PIGL: variants seen among roughly 807,000 people sequenced by gnomAD.
The protein encoded by PIGL is N-acetylglucosaminyl-phosphatidylinositol de-N-acetylase.
In PIGL, 22 loss-of-function variants were observed where a neutral mutation model predicts 31.1. That is an observed-to-expected ratio of 0.71 (90% confidence interval 0.51 to 1.01). The LOEUF (loss-of-function observed/expected upper bound fraction) is 1.01, where lower values mean the gene tolerates loss of function less well. PIGL is among the 50% of genes least tolerant of loss of function. The pLI is 0.00. For synonymous variants in PIGL, 131 were observed against 117.4 expected, an observed-to-expected ratio of 1.12 and a Z score of -0.75; for missense variants, 302 against 315.9, an observed-to-expected ratio of 0.96 and a Z score of 0.33.
intron 5 of PIGL, 117 bp from the exon 6 acceptor site, chr17:16,317,658 T>C: frequency 6.5e-7 from 1 of 1,529,914 alleles, no homozygotes; most frequent in South Asian, 1.3e-5. Context: ...CACGTGGCAA[T>C]GCTGTGGCCA....
intron 3 of PIGL, among the ~76,000 whole-genome samples, chr17:16,305,847 T>G (rs2093023973): frequency 6.6e-6 from 1 of 152,206 alleles, no homozygotes; most frequent in Non-Finnish European, 1.5e-5. Context: ...GCAGTGGTGC[T>G]ATCATAGCCC....
At chr17:16,265,226 A>G (rs989148670) in intron 2 of PIGL, among the ~76,000 whole-genome samples, 9 of 152,194 alleles carry the variant, frequency 5.9e-5, no homozygotes, top group African/African-American at 2.2e-4. Context: ...GATATATGGT[A>G]AGGTAACTAA....
chr17:16,281,979 AG>A (rs1056385712), intron 2 of PIGL: 3 of 486,718 alleles, frequency 6.2e-6, no homozygotes, highest in Non-Finnish European at 1.3e-5. Context: ...AGACAATGGA[AG>A]GGGGGCGACA....
intron 2 of PIGL, among the ~76,000 whole-genome samples, chr17:16,264,912 C>T (rs2092835958): frequency 6.6e-6 from 1 of 152,198 alleles, no homozygotes; most frequent in Non-Finnish European, 1.5e-5. Context: ...CAGGCGTGAG[C>T]CACCGCGCCT....
intron 4 of PIGL, 122 bp downstream of exon 4, chr17:16,313,736 T>A (rs774692575): frequency 1.7e-4 from 135 of 794,964 alleles, no homozygotes; most frequent in Non-Finnish European, 2.8e-4. Context: ...TGCTGGCTTA[T>A]CTTCTAGCCC....
At chr17:16,284,282 GT>G (rs1487147120) in intron 2 of PIGL, among the ~76,000 whole-genome samples, 2 of 151,976 alleles carry the variant, frequency 1.3e-5, no homozygotes, top group African/African-American at 4.8e-5. Context: ...TAGCCCGAAA[GT>G]TGCTTTTATA....
intron 2 of PIGL, among the ~76,000 whole-genome samples, chr17:16,261,181 A>C (rs2092817896): frequency 6.6e-6 from 1 of 151,626 alleles, no homozygotes; most frequent in African/African-American, 2.4e-5. Flanking sequence ...TCTGCTTGCC[A>C]CATTCCCAGC....
chr17:16,230,712 G>A (rs1050006924), intron 1 of PIGL, among the ~76,000 whole-genome samples: 9 of 151,644 alleles, frequency 5.9e-5, no homozygotes, highest in African/African-American at 2.2e-4. Flanking sequence ...CTACTTCCTG[G>A]GTTCAAGCTT....
At chr17:16,314,958 G>T (rs2093069511) in intron 4 of PIGL, among the ~76,000 whole-genome samples, 1 of 152,120 alleles carries the variant, frequency 6.6e-6, no homozygotes, top group African/African-American at 2.4e-5. Context: ...TTCTCTCCGA[G>T]AATTTACACT....
chr17:16,221,688 C>T (rs1374979428), intron 1 of PIGL, among the ~76,000 whole-genome samples: 2 of 151,650 alleles, frequency 1.3e-5, no homozygotes, highest in South Asian at 2.1e-4. Context: ...GGCACAATCT[C>T]GGCTCACTGC....
At chr17:16,307,764 T>A (rs2093032086) in intron 3 of PIGL, among the ~76,000 whole-genome samples, 1 of 151,990 alleles carries the variant, frequency 6.6e-6, no homozygotes, top group African/African-American at 2.4e-5. Context: ...CCCAGGAGTT[T>A]GAGACCAGCC....
chr17:16,218,670 A>G (rs2092610472), intron 1 of PIGL, among the ~76,000 whole-genome samples: 1 of 145,684 alleles, frequency 6.9e-6, no homozygotes, highest in Non-Finnish European at 1.5e-5. Context: ...CAAAATGCCA[A>G]CTTACTCTTT....
intron 2 of PIGL, among the ~76,000 whole-genome samples, chr17:16,273,280 T>C (rs773307661): frequency 6.6e-5 from 10 of 152,170 alleles, no homozygotes; most frequent in Non-Finnish European, 1.5e-4. Flanking sequence ...CAAGTAGGAA[T>C]TAGCCAGGTG....
In PIGL at chr17:16,258,091, GAGAGAGAGAGAA is replaced by G. The variant is rs1434451652; in HGVS notation, c.335+24033_335+24044del. On this transcript the variant is annotated intron_variant, in intron 2 of 6. Coordinates refer to ENST00000225609, the MANE Select transcript of PIGL (RefSeq NM_004278.4). ...AGAAAGAGAGAGAGAGAGAGAGAGA[GAGAGAGAGAGAA>G]AGAGAGAGAGAGAGAGAGAGAAAGA... 1.4e-3 allele frequency among the ~76,000 whole-genome samples: 179 copies of G among 132,510 alleles called. 1 individual carries two copies. The highest frequency in any genetic ancestry group is 2.3e-3 in the Non-Finnish European group (145 of 62,498). The allele number at this position is 132,510 out of a possible 152,430, so 86.9% of individuals were successfully genotyped here.
chr17:16,318,274 C>CT (rs879336540), intron 6 of PIGL, among the ~76,000 whole-genome samples: 208 of 144,950 alleles, frequency 1.4e-3, no homozygotes, highest in Middle Eastern at 3.6e-3. Flanking sequence ...TCTTTCTACT[C>CT]TTTTTTTTTT....
intron 5 of PIGL, chr17:16,317,042 A>G (rs2093080908): frequency 8.9e-7 from 1 of 1,123,576 alleles, no homozygotes. Context: ...GGCAGGTTGT[A>G]AATGACTGCT....
At position 16,233,976 on chromosome 17, in the gene PIGL, T is replaced by G; in HGVS notation, c.241T>G (p.Tyr81Asp). Reference sequence around the variant, plus strand: ...TGTATATTTGTTACCCTCAGGAAATTACTACAATCAAGGAGAGACTCGTAA... The same window carrying G: ...TGTATATTTGTTACCCTCAGGAAATGACTACAATCAAGGAGAGACTCGTAA... ...VYLLCFSAGN[Y>D]YNQGETRKKE... The change falls in exon 2 of 7, where the codon TAC becomes GAC. Residue 81 changes from tyrosine (Y) to aspartate (D), a missense_variant. By Grantham distance (160) the Tyr-to-Asp change is radical. Coordinates refer to ENST00000225609, the MANE Select transcript of PIGL (RefSeq NM_004278.4). 1.3e-6 allele frequency: 2 copies of G among 1,592,358 alleles called. No homozygotes were observed. The highest frequency in any genetic ancestry group is 1.7e-6 in the Non-Finnish European group (2 of 1,162,706).
intron 2 of PIGL, among the ~76,000 whole-genome samples, chr17:16,283,656 T>TA (rs536225768): frequency 1.1e-4 from 17 of 151,922 alleles, no homozygotes; most frequent in African/African-American, 3.6e-4. Flanking sequence ...CCCTGTCTCT[T>TA]AAAAAAAATA....
intron 6 of PIGL, 71 bp downstream of exon 6, chr17:16,317,979 A>G (rs969528647): frequency 2.3e-6 from 3 of 1,331,922 alleles, no homozygotes; most frequent in Non-Finnish European, 3.2e-6. Flanking sequence ...TCAAAGCCCC[A>G]CCTCTGCAGA....
Sources: allele counts gnomAD v4.1 joint callset (sites outside exome capture counted in the v4.1 genomes callset), GRCh38; gene constraint gnomAD v4.1.1; transcripts MANE v1.5; gene names NCBI Gene and HGNC (gene_info 2026-07-23, HGNC 2026-07-21).